PKNOX2: variants seen among roughly 807,000 people sequenced by gnomAD.
PKNOX2 encodes the protein homeobox protein PKNOX2.
PKNOX2 carries 14 observed loss-of-function variants against 53.1 expected under a neutral mutation model. That is an observed-to-expected ratio of 0.26 (90% CI 0.17 to 0.41). The LOEUF (loss-of-function observed/expected upper bound fraction) is 0.41, where lower values mean the gene tolerates loss of function less well. PKNOX2 is among the 10% of genes least tolerant of loss of function. PKNOX2 has a pLI of 1.00. For missense variants in PKNOX2, 496 were observed against 602.8 expected, an observed-to-expected ratio of 0.82 and a Z score of 1.85; for synonymous variants, 257 against 242.8, an observed-to-expected ratio of 1.06 and a Z score of -0.54.
chr11:125,289,116 G>A (rs1947130683), intron 2 of PKNOX2, among the ~76,000 whole-genome samples: 1 of 152,112 alleles, frequency 6.6e-6, no homozygotes, highest in African/African-American at 2.4e-5. Flanking sequence ...GATCTCCAGA[G>A]GATGGGCAGT....
At chr11:125,401,897 C>T (rs1465066102) in intron 7 of PKNOX2, among the ~76,000 whole-genome samples, 1 of 152,186 alleles carries the variant, frequency 6.6e-6, no homozygotes, top group Non-Finnish European at 1.5e-5. Flanking sequence ...TGTCTCCCCT[C>T]TGGAACATGA....
chr11:125,336,926 G>A (rs114223503), intron 3 of PKNOX2, among the ~76,000 whole-genome samples: 9,689 of 147,742 alleles, frequency 0.066, 1,036 homozygotes, highest in African/African-American at 0.22. Flanking sequence ...TATGTATGCT[G>A]TGTACTATAA....
At chr11:125,351,451 G>A in intron 4 of PKNOX2, 59 bp downstream of exon 4, 2 of 1,122,318 alleles carry the variant, frequency 1.8e-6, no homozygotes, top group Non-Finnish European at 2.7e-6. Context: ...TGGCCTTAGA[G>A]CCCCAGCTGC....
At chr11:125,253,898 G>A (rs1317796766) in intron 2 of PKNOX2, among the ~76,000 whole-genome samples, 1 of 152,100 alleles carries the variant, frequency 6.6e-6, no homozygotes, top group East Asian at 1.9e-4. Flanking sequence ...TAATAAGGGG[G>A]CGGTTGTCAG....
Position 125,431,654 on chromosome 11 carries a change from A to G in PKNOX2, c.*262A>G. The G allele has an allele frequency of 2.0e-6, 1 of 504,720 alleles. No homozygotes were observed. Among genetic ancestry groups the G allele is most frequent in the South Asian group, 2.2e-5 (1 of 44,838 alleles). 31.3% of individuals were successfully genotyped at this position (504,720 alleles called of 1,614,324 possible). On this transcript the variant is annotated 3_prime_UTR_variant, in exon 13 of 13. Transcript: ENST00000298282. ...CCAGTCGAGCAGCCTGTGTGGAAAG[A>G]CAGGAGTGAGATCTGGACTCACCAA...
Position 125,429,193 on chromosome 11 carries a change from A to G in PKNOX2, c.1013+105A>G, listed in dbSNP as rs926209735. The G allele has an allele frequency of 7.1e-6, 8 of 1,129,520 alleles. No individual in the cohort carries two copies. In the African/African-American group the frequency reaches 1.2e-4, roughly 17 times the overall value. 70.0% of individuals were successfully genotyped at this position (1,129,520 alleles called of 1,614,324 possible). On this transcript the variant is annotated intron_variant, in intron 11 of 12. Coordinates refer to ENST00000298282, the MANE Select transcript of PKNOX2 (RefSeq NM_001382323.2). ...AGACTCGAATGCCAGGATCTGCCTC[A>G]ATCTCAGCCCAGCTACCATGCCAGT...
chr11:125,269,654 C>A (rs984917448), intron 2 of PKNOX2, among the ~76,000 whole-genome samples: 4 of 152,056 alleles, frequency 2.6e-5, no homozygotes, highest in Admixed American at 6.6e-5. Flanking sequence ...CTGTCCAGGG[C>A]GAGGCTGAGA....
At chr11:125,219,005 T>A (rs567830822) in intron 1 of PKNOX2, among the ~76,000 whole-genome samples, 110 of 152,264 alleles carry the variant, frequency 7.2e-4, no homozygotes, top group African/African-American at 2.6e-3. Flanking sequence ...CACACCCATG[T>A]CCAGGCTGGC....
At chr11:125,351,675 A>C (rs1053430503) in intron 4 of PKNOX2, among the ~76,000 whole-genome samples, 1 of 152,250 alleles carries the variant, frequency 6.6e-6, no homozygotes, top group African/African-American at 2.4e-5. Flanking sequence ...CAGACAGCAG[A>C]CAAGCGCAGC....
chr11:125,414,276 C>T (rs975278382), intron 10 of PKNOX2, among the ~76,000 whole-genome samples: 2 of 152,144 alleles, frequency 1.3e-5, no homozygotes, highest in African/African-American at 2.4e-5. Flanking sequence ...GAGGACTTGC[C>T]GAAACGCATG....
At chr11:125,300,682 G>A (rs1947994411) in intron 2 of PKNOX2, among the ~76,000 whole-genome samples, 2 of 152,224 alleles carry the variant, frequency 1.3e-5, no homozygotes, top group Admixed American at 6.5e-5. Context: ...TCGGGTGCAG[G>A]AGAGGGGAGG....
At chr11:125,264,270 C>G (rs1945127488) in intron 2 of PKNOX2, among the ~76,000 whole-genome samples, 1 of 152,096 alleles carries the variant, frequency 6.6e-6, no homozygotes, top group African/African-American at 2.4e-5. Flanking sequence ...GCTTCCCAAC[C>G]CCTCTCCTCT....
intron 2 of PKNOX2, among the ~76,000 whole-genome samples, chr11:125,317,502 G>T (rs1319105453): frequency 6.6e-6 from 1 of 152,248 alleles, no homozygotes; most frequent in Non-Finnish European, 1.5e-5. Flanking sequence ...AATGGATGTT[G>T]TGTTAGCAGG....
chr11:125,318,637 A>C (rs1949347846), intron 2 of PKNOX2, among the ~76,000 whole-genome samples: 2 of 152,202 alleles, frequency 1.3e-5, no homozygotes, highest in Admixed American at 1.3e-4. Context: ...ACTTCTCTCA[A>C]GAACTTTTCC....
chr11:125,208,582 G>A (rs1197953897), intron 1 of PKNOX2, among the ~76,000 whole-genome samples: 1 of 152,048 alleles, frequency 6.6e-6, no homozygotes, highest in Non-Finnish European at 1.5e-5. Context: ...TAATGGGACA[G>A]GAGAAAGTGA....
rs1951378026 is a variant in PKNOX2, at chr11:125,352,496, T to A, written c.87+1104T>A. On this transcript the variant is annotated intron_variant, in intron 4 of 12. Transcript: ENST00000298282. This position sits in a 1 kb window ranked among gnomAD's most constrained non-coding sequence, Gnocchi z 4.1. ...TCTCATGGGCCACACGGAAGATTTGTGCAGCATGAAAGGGGTCTTAAGATG... is the reference window on the plus strand; with the variant it reads ...TCTCATGGGCCACACGGAAGATTTGAGCAGCATGAAAGGGGTCTTAAGATG... 6.6e-6 allele frequency among the ~76,000 whole-genome samples: 1 copy of A among 152,144 alleles called. No homozygotes were observed. The highest frequency in any genetic ancestry group is 6.6e-5 in the Admixed American group (1 of 15,262).
At position 125,286,152 on chromosome 11, in the gene PKNOX2, T is replaced by C. The variant is rs1353160353; in HGVS notation, c.-129-45667T>C. 2.6e-5 allele frequency among the ~76,000 whole-genome samples: 4 copies of C among 152,174 alleles called. No individual in the cohort carries two copies. The East Asian group carries it at 5.8e-4, about 22-fold the overall frequency. ...CACACTCCGTTCATGACGGAGGTACTTGTGGATGCACGGGAAGAAAGGAAT... is the reference window on the plus strand; with the variant it reads ...CACACTCCGTTCATGACGGAGGTACCTGTGGATGCACGGGAAGAAAGGAAT... On this transcript the variant is annotated intron_variant, in intron 2 of 12. Coordinates refer to ENST00000298282, the MANE Select transcript of PKNOX2 (RefSeq NM_001382323.2).
intron 10 of PKNOX2, among the ~76,000 whole-genome samples, chr11:125,412,298 C>T (rs7130409): frequency 0.064 from 9,756 of 152,262 alleles, 939 homozygotes; most frequent in African/African-American, 0.22. Flanking sequence ...CTCCTGAGTC[C>T]TCCCCACTGG....
chr11:125,349,591 C>T (rs1951187786), intron 3 of PKNOX2, among the ~76,000 whole-genome samples: 2 of 152,110 alleles, frequency 1.3e-5, no homozygotes. Flanking sequence ...CTCCACCCAC[C>T]TCCACCTCAT....
Sources: gnomAD v4.1 joint callset for allele counts (sites outside exome capture counted in the v4.1 genomes callset) on GRCh38, gnomAD v4.1.1 for gene constraint, Gnocchi (gnomAD v3.1) non-coding constraint, MANE v1.5 for transcripts, NCBI Gene and HGNC (gene_info 2026-07-23, HGNC 2026-07-21) for gene names.